The following WASF3 variants were observed in gnomAD, a reference collection of about 807,000 sequenced individuals.
WASF3 encodes the protein actin-binding protein WASF3.
Under a neutral mutation model 46.6 loss-of-function variants are expected in WASF3, and 11 were observed. The ratio of observed to expected loss-of-function variants is 0.24; its 90% CI spans 0.15 to 0.39. The LOEUF (loss-of-function observed/expected upper bound fraction) is 0.39. Ranked by LOEUF, WASF3 falls within the 10% of genes least tolerant of loss-of-function variation. The pLI is 1.00. For missense variants in WASF3, 576 were observed against 669.8 expected, an observed-to-expected ratio of 0.86 and a Z score of 1.55; for synonymous variants, 242 against 259.7, an observed-to-expected ratio of 0.93 and a Z score of 0.65.
intron 3 of WASF3, among the ~76,000 whole-genome samples, chr13:26,645,397 A>G (rs1048883216): frequency 6.6e-6 from 1 of 152,126 alleles, no homozygotes; most frequent in Non-Finnish European, 1.5e-5. Context: ...TTTATAAGCC[A>G]CCTACTCTGT....
chr13:26,566,908 A>G (rs1326688111), intron 1 of WASF3, among the ~76,000 whole-genome samples: 1 of 152,212 alleles, frequency 6.6e-6, no homozygotes, highest in Non-Finnish European at 1.5e-5. Flanking sequence ...AAAGGAAATC[A>G]TCCTCAGCTC....
chr13:26,609,050 G>T (rs1880890066), intron 1 of WASF3, among the ~76,000 whole-genome samples: 1 of 152,144 alleles, frequency 6.6e-6, no homozygotes, highest in Non-Finnish European at 1.5e-5. Flanking sequence ...GAATTTGGAG[G>T]CTTACAAGAG....
chr13:26,624,034 T>C (rs898545345), intron 2 of WASF3, among the ~76,000 whole-genome samples: 10 of 152,218 alleles, frequency 6.6e-5, no homozygotes, highest in African/African-American at 2.2e-4. Context: ...AGAAATACTG[T>C]TTACTTAGTC....
chr13:26,583,171 A>C (rs944094920), intron 1 of WASF3, among the ~76,000 whole-genome samples: 17 of 152,232 alleles, frequency 1.1e-4, no homozygotes, highest in Non-Finnish European at 2.2e-4. Flanking sequence ...TTTATGGGTT[A>C]AGTGTCTTTA....
At chr13:26,565,366 T>C (rs1038573210) in intron 1 of WASF3, among the ~76,000 whole-genome samples, 1 of 152,086 alleles carries the variant, frequency 6.6e-6, no homozygotes, top group Non-Finnish European at 1.5e-5. Context: ...TTGTGGCTGT[T>C]GCACAGCTTA....
At chr13:26,556,722 G>A (rs939192818), upstream of WASF3, among the ~76,000 whole-genome samples, 1 of 152,202 alleles carries the variant, frequency 6.6e-6, no homozygotes, top group Non-Finnish European at 1.5e-5. Context: ...CTAGCTAGAT[G>A]TTGATCATTA....
chr13:26,608,936 AAAG>A (rs1323689503), intron 1 of WASF3, among the ~76,000 whole-genome samples: 5 of 152,222 alleles, frequency 3.3e-5, no homozygotes, highest in Non-Finnish European at 7.3e-5. Flanking sequence ...ATAGAAGTGA[AAAG>A]AAGAACATAG....
chr13:26,680,072 A>G (rs1566073783), intron 7 of WASF3: 3 of 1,597,798 alleles, frequency 1.9e-6, no homozygotes, highest in African/African-American at 2.7e-5. Context: ...AGAAACCAGC[A>G]AGTAAATGTG....
chr13:26,620,127 T>G (rs568100617), intron 2 of WASF3, among the ~76,000 whole-genome samples: 1 of 152,176 alleles, frequency 6.6e-6, no homozygotes, highest in Non-Finnish European at 1.5e-5. Flanking sequence ...AAAGTTATGC[T>G]AGATCTCCAA....
At chr13:26,559,325 A>G (rs927873767) in intron 1 of WASF3, among the ~76,000 whole-genome samples, 2 of 152,240 alleles carry the variant, frequency 1.3e-5, no homozygotes, top group Admixed American at 6.5e-5. Context: ...TTATTCTAGA[A>G]CTATGTACAT....
At chr13:26,626,723 TATATC>T (rs1881474315) in intron 2 of WASF3, among the ~76,000 whole-genome samples, 1 of 152,186 alleles carries the variant, frequency 6.6e-6, no homozygotes, top group African/African-American at 2.4e-5. Context: ...GAATGACCGT[TATATC>T]AAAGTAGACT....
At position 26,682,680 on chromosome 13, in the gene WASF3, C is replaced by G. The variant is rs868190180; in HGVS notation, c.1057C>G (p.Pro353Ala). 1.2e-6 allele frequency: 2 copies of G among 1,614,012 alleles called. No homozygotes were observed. The highest frequency in any genetic ancestry group is 1.3e-5 in the African/African-American group (1 of 74,914). The change falls in exon 9 of 10, where the codon CCC (proline) becomes GCC (alanine). Residue 353 changes from proline (P) to alanine (A), a missense_variant. Pro to Ala is a conservative substitution (Grantham distance 27). Around this residue, in one of 3 missense-constraint regions of WASF3, gnomAD observed 295 missense variants for 291.5 expected, o/e 1.01. Coordinates refer to ENST00000335327, the MANE Select transcript of WASF3 (RefSeq NM_006646.6). This position sits in a 1 kb window ranked among gnomAD's most constrained non-coding sequence, Gnocchi z 4.4. ...TCCTCCGCCACCTCCTCCTGTGATT[C>G]CCTCAGCACAAACTGCCTTCGTCAG... ...PPPPPPPPVI[P>A]SAQTAFVSPL...
chr13:26,633,096 A>C (rs557264545), intron 2 of WASF3, among the ~76,000 whole-genome samples: 46 of 151,228 alleles, frequency 3.0e-4, no homozygotes, highest in African/African-American at 1.1e-3. Context: ...GTGGTCTATC[A>C]ATTTTGTTGA....
chr13:26,569,298 G>A (rs1388928214), intron 1 of WASF3, among the ~76,000 whole-genome samples: 2 of 152,150 alleles, frequency 1.3e-5, no homozygotes, highest in African/African-American at 4.8e-5. Context: ...ATGGCAGAAT[G>A]CACATTCTTT....
At chr13:26,611,439 A>T (rs1444290009) in intron 1 of WASF3, among the ~76,000 whole-genome samples, 1 of 152,264 alleles carries the variant, frequency 6.6e-6, no homozygotes, top group Admixed American at 6.5e-5. Context: ...ACAAAGGAAG[A>T]GTTAACACGT....
intron 1 of WASF3, among the ~76,000 whole-genome samples, chr13:26,573,257 T>C (rs979457163): frequency 2.0e-5 from 3 of 152,186 alleles, no homozygotes; most frequent in Non-Finnish European, 4.4e-5. Context: ...TTCATTTCCA[T>C]AGAGGTGTAC....
the WASF3 span, among the ~76,000 whole-genome samples, chr13:26,544,062 A>G: frequency 6.6e-6 from 1 of 152,212 alleles, no homozygotes. Context: ...CACTAACATT[A>G]TAATTTGAGA....
intron 5 of WASF3, 60 bp downstream of exon 5, chr13:26,667,730 G>A: frequency 6.6e-7 from 1 of 1,526,700 alleles, no homozygotes; most frequent in Non-Finnish European, 8.9e-7. Context: ...GGGCAGAGCT[G>A]GGAGCAAGCT....
At chr13:26,619,617 A>T (rs1342521674) in intron 2 of WASF3, 2 of 152,028 alleles carry the variant, frequency 1.3e-5, no homozygotes, top group East Asian at 3.8e-4. Context: ...ACAGAGTAAG[A>T]TAGGGGGTCT....
Sources: gnomAD v4.1 joint callset for allele counts (sites outside exome capture counted in the v4.1 genomes callset) on GRCh38, gnomAD v4.1.1 for gene constraint, gnomAD v4.1.1 regional missense constraint, Gnocchi (gnomAD v3.1) non-coding constraint, MANE v1.5 for transcripts, NCBI Gene and HGNC (gene_info 2026-07-23, HGNC 2026-07-21) for gene names.